The following WDR87 variants were observed in gnomAD, a reference collection of about 807,000 sequenced individuals.
WDR87 encodes the protein WD repeat-containing protein 87.
WDR87 carries 56 observed loss-of-function variants against 83.3 expected under a neutral mutation model. That is an observed-to-expected ratio of 0.67 (90% CI 0.54 to 0.84). WDR87 has a LOEUF of 0.84. Among genes scored for constraint, WDR87 ranks in the 40% least tolerant of loss-of-function variants. The pLI, the probability that WDR87 is intolerant of heterozygous loss-of-function variation, is 0.00. For synonymous variants in WDR87, 1,173 were observed against 1,250.6 expected, an observed-to-expected ratio of 0.94 and a Z score of 1.31; for missense variants, 2,939 against 3,431.9, an observed-to-expected ratio of 0.86 and a Z score of 3.59.
chr19:37,899,674 C>T (rs549194820), intron 1 of WDR87, among the ~76,000 whole-genome samples: 1 of 152,244 alleles, frequency 6.6e-6, no homozygotes, highest in Admixed American at 6.5e-5. Context: ...CCTTGAGCTC[C>T]TGGTCACAAG....
Position 37,886,523 on chromosome 19 carries a change from A to T in WDR87, c.7148T>A (p.Leu2383Ter). Residue 2383 changes from leucine to a stop codon, truncating the protein, a stop_gained, in exon 6 of 6, where the codon TTA (leucine) becomes TAA (stop). Coordinates refer to ENST00000447313, the MANE Select transcript of WDR87 (RefSeq NM_001291088.2). LOFTEE classifies it low-confidence loss of function (END_TRUNC). Reference protein sequence around the residue: ...EEEVDREKEILKKEKQFKLQE... With the variant: ...EEEVDREKEI ...TAACTTAAATTGTTTTTCTTTTTTTAAGATCTCTTTTTCCCTGTCCACCTC... is the reference window on the plus strand; with the variant it reads ...TAACTTAAATTGTTTTTCTTTTTTTTAGATCTCTTTTTCCCTGTCCACCTC... 1.3e-6 allele frequency: 2 copies of T among 1,501,092 alleles called. No individual in the cohort carries two copies. Among genetic ancestry groups the T allele is most frequent in the Non-Finnish European group, 1.8e-6 (2 of 1,130,888 alleles). The allele number at this position is 1,501,092 out of a possible 1,614,324, so 93.0% of individuals were successfully genotyped here.
Position 37,893,618 on chromosome 19 carries a change from T to G in WDR87, c.2085A>C (p.Val695=). 3 of 1,552,114 alleles carry G rather than the reference T, an allele frequency of 1.9e-6. No individual in the cohort carries two copies. Among genetic ancestry groups the G allele is most frequent in the Non-Finnish European group, 2.6e-6 (3 of 1,147,086 alleles). Residue 695 remains valine, a synonymous_variant, in exon 4 of 6, where the codon GTA becomes GTC. Coordinates refer to ENST00000447313, the MANE Select transcript of WDR87 (RefSeq NM_001291088.2). ...RLSFMSISDE[V]LEVPKPFIPS... ...GTATGAAAGGCTTAGGGACTTCCAG[T>G]ACTTCATCTGATATGCTCATAAAGG...
Position 37,894,637 on chromosome 19 carries a change from T to G in WDR87, c.1066A>C (p.Ser356Arg), listed in dbSNP as rs1030367595. 1.9e-6 allele frequency: 3 copies of G among 1,551,706 alleles called. No individual in the cohort carries two copies. Among genetic ancestry groups the G allele is most frequent in the Non-Finnish European group, 2.6e-6 (3 of 1,147,002 alleles). The change falls in exon 4 of 6, where the codon AGC (serine) becomes CGC (arginine). Residue 356 changes from serine to arginine, a missense_variant. Transcript: ENST00000447313. ...FSLHRLPCFYSLFNVCGSAPQ... is the reference protein window; with the variant it reads ...FSLHRLPCFYRLFNVCGSAPQ... ...GCAGAGCCACAGACATTGAAGAGGC[T>G]GTAGAAGCAGGGCAGGCGGTGCAAG...
chr19:37,891,474 A>G, intron 5 of WDR87, 78 bp downstream of exon 5: 6 of 1,491,440 alleles, frequency 4.0e-6, no homozygotes, highest in South Asian at 2.7e-5. Context: ...CCCACCTAGT[A>G]TCTCTTGATC....
Position 37,887,855 on chromosome 19 carries a change from T to C in WDR87, c.5816A>G (p.Glu1939Gly). 2 of 1,551,204 alleles carry C rather than the reference T, an allele frequency of 1.3e-6. No homozygotes were observed. The highest frequency in any genetic ancestry group is 1.2e-5 in the South Asian group (1 of 83,848). Residue 1939 changes from glutamate (E) to glycine (G), a missense_variant, in exon 6 of 6, where the codon GAG (glutamate) becomes GGG (glycine). Glu to Gly is a moderately conservative substitution (Grantham distance 98). Coordinates refer to ENST00000447313, the MANE Select transcript of WDR87 (RefSeq NM_001291088.2). ...QVEEKLTQEK[E>G]TVIKKKEKLA... is the part of the protein sequence containing the mutation. The stretch of plus-strand genomic sequence containing the variant: ...TTTCTCCTTCTTCTTGATCACAGTC[T>C]CCTTTTCCTGTGTCAGCTTCTCCTC...
chr19:37,886,494 C>T lies in WDR87; in HGVS notation c.7177G>A (p.Glu2393Lys). Residue 2393 changes from glutamate (E) to lysine (K), a missense_variant, in exon 6 of 6, where the codon GAA (glutamate) becomes AAA (lysine). Glu to Lys is a moderately conservative substitution (Grantham distance 56, BLOSUM62 1). Coordinates refer to ENST00000447313, the MANE Select transcript of WDR87 (RefSeq NM_001291088.2). ...LKKEKQFKLQ[E>K]QRRKSLRGRE... Reference sequence around the variant, plus strand: ...CCTCTTAGGCTCTTTCTTCTTTGTTCTTGTAACTTAAATTGTTTTTCTTTT... The same window carrying T: ...CCTCTTAGGCTCTTTCTTCTTTGTTTTTGTAACTTAAATTGTTTTTCTTTT... The T allele has an allele frequency of 2.0e-6, 3 of 1,511,722 alleles. No individual in the cohort carries two copies. The highest frequency in any genetic ancestry group is 2.6e-6 in the Non-Finnish European group (3 of 1,136,124). 93.6% of individuals were successfully genotyped at this position (1,511,722 alleles called of 1,614,324 possible).
rs569819898 is a variant in WDR87, at chr19:37,893,174, C to T, written c.2529G>A (p.Gln843=). Residue 843 remains glutamine (Q), a synonymous_variant, in exon 4 of 6, where the codon CAG becomes CAA. Transcript: ENST00000447313. ...LWPEGTPIYL[Q]CNLHAPQREL... ...CCCGCTGGGGTGCATGCAGGTTGCA[C>T]TGTAGGTATATTGGGGTGCCCTCTG... is the stretch of plus-strand genomic sequence containing the variant. 5 of 1,551,954 alleles carry T rather than the reference C, an allele frequency of 3.2e-6. No individual in the cohort carries two copies. The African/African-American group carries it at 4.1e-5, about 13-fold the overall frequency.
In WDR87 at chr19:37,894,902, A is replaced by G. The variant is rs765693824; in HGVS notation, c.801T>C (p.Val267=). ...YAGNQAGEIQ[V]WSLQQGHPLH... is the part of the protein sequence containing the mutation. Reference sequence around the variant, plus strand: ...GTGGATGGCCCTGCTGGAGGCTCCAAACTTGGATTTCCCCAGCTTGGTTTC... The same window carrying G: ...GTGGATGGCCCTGCTGGAGGCTCCAGACTTGGATTTCCCCAGCTTGGTTTC... Residue 267 remains valine, a synonymous_variant, in exon 4 of 6, where the codon GTT becomes GTC. Coordinates refer to ENST00000447313, the MANE Select transcript of WDR87 (RefSeq NM_001291088.2). 2.6e-5 allele frequency: 41 copies of G among 1,551,560 alleles called. No homozygotes were observed. Among genetic ancestry groups the G allele is most frequent in the Non-Finnish European group, 3.6e-5 (41 of 1,147,006 alleles).
In WDR87 at chr19:37,887,150, T is replaced by A; in HGVS notation, c.6521A>T (p.Asp2174Val). Residue 2174 changes from aspartate to valine, a missense_variant, in exon 6 of 6, where the codon GAT becomes GTT. Asp to Val is a radical substitution (Grantham distance 152). This residue lies in a region of WDR87 where 2,160 missense variants were observed against 2,533.1 expected (regional missense o/e 0.85). Coordinates refer to ENST00000447313, the MANE Select transcript of WDR87 (RefSeq NM_001291088.2). ...FSEKRSELTK[D>V]EKKLARKQRK... ...CTGCTTCCGAGCCAGTTTCTTCTCA[T>A]CTTTAGTCAGTTCTGATCGTTTTTC... The A allele has an allele frequency of 6.4e-7, 1 of 1,551,468 alleles. No individual in the cohort carries two copies. The highest frequency in any genetic ancestry group is 8.7e-7 in the Non-Finnish European group (1 of 1,147,004).
At position 37,894,736 on chromosome 19, in the gene WDR87, G is replaced by C. The variant is rs1568454523; in HGVS notation, c.967C>G (p.Leu323Val). Residue 323 changes from leucine to valine, a missense_variant, in exon 4 of 6, where the codon CTT becomes GTT. Leu to Val is a conservative substitution (Grantham distance 32). Coordinates refer to ENST00000447313, the MANE Select transcript of WDR87 (RefSeq NM_001291088.2). ...TGGAGCCGGTATAGCTCCTCACCAAGCTCTAGCCGCCGAAGCAGGCTCCCT... is the reference window on the plus strand; with the variant it reads ...TGGAGCCGGTATAGCTCCTCACCAACCTCTAGCCGCCGAAGCAGGCTCCCT... ...TSGSLLRRLE[L>V]GEELYRLQFI... The C allele has an allele frequency of 6.4e-7, 1 of 1,551,726 alleles. No individual in the cohort carries two copies. Among genetic ancestry groups the C allele is most frequent in the Non-Finnish European group, 8.7e-7 (1 of 1,147,000 alleles).
At position 37,887,058 on chromosome 19, in the gene WDR87, TGC is replaced by T. The variant is rs1208263654; in HGVS notation, c.6611_6612del (p.Ser2204LysfsTer13). The T allele has an allele frequency of 1.3e-6, 2 of 1,551,494 alleles. No individual in the cohort carries two copies. The highest frequency in any genetic ancestry group is 2.7e-5 in the African/African-American group (2 of 72,998). On this transcript the variant is annotated frameshift_variant, in exon 6 of 6. Coordinates refer to ENST00000447313, the MANE Select transcript of WDR87 (RefSeq NM_001291088.2). LOFTEE classifies it low-confidence loss of function (END_TRUNC). ...NKEEKMTEEE[S>X]KLARKHSEVI... The stretch of plus-strand genomic sequence containing the variant: ...ACTTCTGAATGCTTTCTGGCCAATT[TGC>T]TCTCTTCCTCAGTCATTTTTTCTTC...
rs894969570 is a variant in WDR87 at position 37,886,450 on chromosome 19, G to A, written c.7221C>T (p.Ser2407=). ...TGCCATGAGGAACTCCTCTTAAAAT[G>A]GAAAGGACTCTTTCCCTTCCTCTTA... ...KSLRGRERVL[S]ILRGVPHGKG... The change falls in exon 6 of 6, where the codon TCC becomes TCT. Residue 2407 remains serine, a synonymous_variant. Transcript: ENST00000447313. 5.2e-6 allele frequency: 8 copies of A among 1,527,764 alleles called. No individual in the cohort carries two copies. In the Admixed American group the frequency reaches 1.8e-4, roughly 35 times the overall value. 94.6% of individuals were successfully genotyped at this position (1,527,764 alleles called of 1,614,324 possible).
At position 37,894,382 on chromosome 19, in the gene WDR87, A is replaced by AG; in HGVS notation, c.1320dup (p.Cys441LeufsTer92). Reference sequence around the variant, plus strand: ...AAGAGATACTTGGCTGGGCAAGGGCAGCGGGTTGTGTCAAATACCAGAACC... The same window carrying AG: ...AAGAGATACTTGGCTGGGCAAGGGCAGGCGGGTTGTGTCAAATACCAGAACC... On this transcript the variant is annotated frameshift_variant, in exon 4 of 6. Coordinates refer to ENST00000447313, the MANE Select transcript of WDR87 (RefSeq NM_001291088.2). LOFTEE classifies it high-confidence loss of function. 3.2e-6 allele frequency: 5 copies of AG among 1,551,760 alleles called. No homozygotes were observed. The highest frequency in any genetic ancestry group is 4.4e-6 in the Non-Finnish European group (5 of 1,147,002).
At position 37,894,062 on chromosome 19, in the gene WDR87, T is replaced by C; in HGVS notation, c.1641A>G (p.Gln547=). The change falls in exon 4 of 6, where the codon CAA becomes CAG. Residue 547 remains glutamine, a synonymous_variant. Transcript: ENST00000447313. ...SEAVLDGVKV[Q]LRPLASILSS... ...TGAGAATGCTGGCGAGAGGCCGCAG[T>C]TGTACTTTGACCCCATCAAGCACAG... 1 of 1,552,160 alleles carries C rather than the reference T, an allele frequency of 6.4e-7. No homozygotes were observed.
At chr19:37,895,539 G>A (rs748136409) in intron 3 of WDR87, 83 bp from the exon 4 acceptor site, 20 of 1,307,930 alleles carry the variant, frequency 1.5e-5, no homozygotes, top group South Asian at 1.5e-4. Flanking sequence ...AGGCCGAGGC[G>A]GGTGGATCAC....
Position 37,890,018 on chromosome 19 carries a change from C to CT in WDR87, c.3652dup (p.Arg1218LysfsTer26), listed in dbSNP as rs1384276686. ...TTTCTGAGCTGTTGCTTTCTTGTCT[C>CT]TTTTGTCACGTATTTTCTGCAGCCT... On this transcript the variant is annotated frameshift_variant, in exon 6 of 6. Transcript: ENST00000447313. LOFTEE classifies it low-confidence loss of function (END_TRUNC). 26 of 1,551,518 alleles carry CT rather than the reference C, an allele frequency of 1.7e-5. No homozygotes were observed. In the Admixed American group the frequency reaches 2.0e-4, roughly 12 times the overall value.
In WDR87 at chr19:37,889,851, T is replaced by C. The variant is rs780965191; in HGVS notation, c.3820A>G (p.Thr1274Ala). 10 of 1,551,780 alleles carry C rather than the reference T, an allele frequency of 6.4e-6. No homozygotes were observed. Among genetic ancestry groups the C allele is most frequent in the Non-Finnish European group, 5.2e-6 (6 of 1,147,004 alleles). ...CTCCATGATGAGCCATCTCCAGCGG[T>C]TGACCTGCGGCCAGATATTCCAGAG... Reference protein sequence around the residue: ...GASGISGRRSTAGDGSSWRDD... With the variant: ...GASGISGRRSAAGDGSSWRDD... Residue 1274 changes from threonine (T) to alanine (A), a missense_variant, in exon 6 of 6, where the codon ACC (threonine) becomes GCC (alanine). Physicochemically the swap from Thr to Ala is moderately conservative, Grantham distance 58. Around this residue, in one of 3 missense-constraint regions of WDR87, gnomAD observed 2,160 missense variants for 2,533.1 expected, o/e 0.85. Coordinates refer to ENST00000447313, the MANE Select transcript of WDR87 (RefSeq NM_001291088.2).
At position 37,885,697 on chromosome 19, in the gene WDR87, G is replaced by A. The variant is rs1461512397; in HGVS notation, c.7974C>T (p.Val2658=). The A allele has an allele frequency of 5.2e-6, 8 of 1,551,608 alleles. No individual in the cohort carries two copies. Among genetic ancestry groups the A allele is most frequent in the Middle Eastern group, 1.7e-4 (1 of 6,016 alleles). ...EKESWPKPLA[V]PTQKSPLATK... ...TAGCTAATGGGGACTTTTGTGTGGG[G>A]ACAGCCAAAGGTTTTGGCCAGCTCT... Residue 2658 remains valine, a synonymous_variant, in exon 6 of 6, where the codon GTC becomes GTT. Coordinates refer to ENST00000447313, the MANE Select transcript of WDR87 (RefSeq NM_001291088.2).
At chr19:37,904,888 A>G (rs2046314145) in intron 1 of WDR87, among the ~76,000 whole-genome samples, 1 of 152,172 alleles carries the variant, frequency 6.6e-6, no homozygotes, top group African/African-American at 2.4e-5. Context: ...GCAAATGAGT[A>G]TCTTTGTTAG....
Sources: gnomAD v4.1 joint callset for allele counts (sites outside exome capture counted in the v4.1 genomes callset) on GRCh38, gnomAD v4.1.1 for gene constraint, gnomAD v4.1.1 regional missense constraint, MANE v1.5 for transcripts, NCBI Gene and HGNC (gene_info 2026-07-23, HGNC 2026-07-21) for gene names.